CTNNA2: variants seen among roughly 807,000 people sequenced by gnomAD.
The protein encoded by CTNNA2 is catenin alpha 2.
A neutral mutation model predicts 101.0 loss-of-function variants in CTNNA2; 42 were observed. That is an observed-to-expected ratio of 0.42 (90% CI 0.32 to 0.54). The LOEUF is 0.54. CTNNA2 is among the 20% of genes least tolerant of loss of function. The pLI, the probability that CTNNA2 is intolerant of heterozygous loss-of-function variation, is 0.14. For synonymous variants in CTNNA2, 450 were observed against 456.4 expected (o/e 0.99, Z 0.18); for missense variants, 871 against 1,223.1 (o/e 0.71, Z 4.29).
At chr2:79,445,298 C>G (rs1011158050) in intron 4 of CTNNA2, among the ~76,000 whole-genome samples, 1 of 152,126 alleles carries the variant, frequency 6.6e-6, no homozygotes, top group Non-Finnish European at 1.5e-5. Flanking sequence ...TTTCAAGATG[C>G]ATTGTCTTCA....
At chr2:79,555,147 A>C (rs1674364167) in intron 1 of CTNNA2, among the ~76,000 whole-genome samples, 1 of 152,184 alleles carries the variant, frequency 6.6e-6, no homozygotes, top group East Asian at 1.9e-4. Context: ...GCAAATTGAG[A>C]TGCAGGTGAC....
At chr2:79,968,007 C>A (rs993068295) in intron 7 of CTNNA2, among the ~76,000 whole-genome samples, 9 of 151,988 alleles carry the variant, frequency 5.9e-5, no homozygotes, top group East Asian at 1.9e-4. Context: ...ATTGGCAAAT[C>A]TATAGAGAAA....
At chr2:80,141,730 C>G (rs1703022694) in intron 7 of CTNNA2, among the ~76,000 whole-genome samples, 1 of 152,100 alleles carries the variant, frequency 6.6e-6, no homozygotes, top group African/African-American at 2.4e-5. Context: ...TGGGAAATTT[C>G]AGGCATCTAG....
chr2:79,704,071 G>A (rs1511191), intron 2 of CTNNA2, among the ~76,000 whole-genome samples: 110,493 of 151,962 alleles, frequency 0.73, 40,321 homozygotes, highest in East Asian at 0.93. Flanking sequence ...GCACATACAG[G>A]TACATACATG....
intron 2 of CTNNA2, among the ~76,000 whole-genome samples, chr2:79,703,227 T>C (rs1464655000): frequency 6.6e-6 from 1 of 152,186 alleles, no homozygotes; most frequent in Non-Finnish European, 1.5e-5. Context: ...GAAATGTTGC[T>C]TACCCAAGGA....
chr2:80,503,371 A>G (rs899803135), intron 9 of CTNNA2, among the ~76,000 whole-genome samples: 1 of 152,156 alleles, frequency 6.6e-6, no homozygotes, highest in Non-Finnish European at 1.5e-5. Flanking sequence ...ACAGTAGACA[A>G]TGCTAGCAAC....
At chr2:79,421,859 G>A (rs1027976121) in intron 4 of CTNNA2, among the ~76,000 whole-genome samples, 4 of 152,066 alleles carry the variant, frequency 2.6e-5, no homozygotes, top group Non-Finnish European at 5.9e-5. Flanking sequence ...TCTTACTCCG[G>A]GGCCATGGGC....
chr2:79,903,136 G>C (rs1048271208), intron 6 of CTNNA2, among the ~76,000 whole-genome samples: 2 of 152,154 alleles, frequency 1.3e-5, no homozygotes, highest in Non-Finnish European at 2.9e-5. Context: ...TGCATTATTG[G>C]TGTTGTTAGT....
chr2:79,445,580 A>T (rs1375812045), intron 4 of CTNNA2, among the ~76,000 whole-genome samples: 1 of 152,164 alleles, frequency 6.6e-6, no homozygotes, highest in East Asian at 1.9e-4. Flanking sequence ...AATTAACTTC[A>T]AACATATCAC....
chr2:79,653,182 C>G (rs1049043629), intron 2 of CTNNA2, among the ~76,000 whole-genome samples: 1 of 152,166 alleles, frequency 6.6e-6, no homozygotes, highest in Admixed American at 6.5e-5. Context: ...GAATAATCCT[C>G]TGTGGCTTGA....
At chr2:79,731,376 A>T (rs1687185639) in intron 2 of CTNNA2, among the ~76,000 whole-genome samples, 2 of 152,070 alleles carry the variant, frequency 1.3e-5, no homozygotes, top group African/African-American at 4.8e-5. Context: ...AATGTGGTTG[A>T]TATCTGTTTT....
intron 7 of CTNNA2, among the ~76,000 whole-genome samples, chr2:80,247,199 G>A (rs985588928): frequency 9.2e-5 from 14 of 152,162 alleles, no homozygotes; most frequent in African/African-American, 3.1e-4. Flanking sequence ...TTCAAATAAT[G>A]AAGATGAGAA....
intron 7 of CTNNA2, among the ~76,000 whole-genome samples, chr2:80,009,650 A>C (rs1693624905): frequency 6.6e-6 from 1 of 152,112 alleles, no homozygotes; most frequent in Admixed American, 6.6e-5. Flanking sequence ...GATTCTGCAC[A>C]ATTAAAGGTA....
At chr2:80,525,402 G>A (rs997357442) in intron 9 of CTNNA2, among the ~76,000 whole-genome samples, 3 of 151,982 alleles carry the variant, frequency 2.0e-5, no homozygotes, top group Admixed American at 2.0e-4. Context: ...CTGTGTTGGT[G>A]ATGCCCTCCC....
intron 9 of CTNNA2, among the ~76,000 whole-genome samples, chr2:80,532,035 G>T (rs1690588395): frequency 6.6e-6 from 1 of 152,178 alleles, no homozygotes; most frequent in Non-Finnish European, 1.5e-5. Flanking sequence ...AAAGGGTAAA[G>T]ATGTGTTCCA....
intron 18 of CTNNA2, among the ~76,000 whole-genome samples, chr2:80,626,710 C>G (rs774902468): frequency 2.4e-4 from 37 of 151,900 alleles, no homozygotes; most frequent in Non-Finnish European, 5.3e-4. Flanking sequence ...AAATCAAAAT[C>G]TATTCTTTTT....
chr2:80,465,239 A>T (rs544881771), intron 9 of CTNNA2, among the ~76,000 whole-genome samples: 1 of 152,296 alleles, frequency 6.6e-6, no homozygotes, highest in South Asian at 2.1e-4. Context: ...GATAGGCTCC[A>T]TGAATGTCAA....
chr2:80,128,798 G>C (rs1702264187), intron 7 of CTNNA2, among the ~76,000 whole-genome samples: 1 of 152,124 alleles, frequency 6.6e-6, no homozygotes, highest in South Asian at 2.1e-4. Flanking sequence ...TCCATGGGTA[G>C]ATCAGTCTTA....
chr2:79,305,054 G>C (rs896611652), intron 2 of CTNNA2, among the ~76,000 whole-genome samples: 3 of 152,084 alleles, frequency 2.0e-5, no homozygotes, highest in African/African-American at 7.2e-5. Context: ...AAATTTGTGG[G>C]AGTGGACATA....
Sources: allele counts gnomAD v4.1 joint callset (sites outside exome capture counted in the v4.1 genomes callset), GRCh38; gene constraint gnomAD v4.1.1; transcripts MANE v1.5; gene names NCBI Gene and HGNC (gene_info 2026-07-23, HGNC 2026-07-21).